The following SCUBE2 variants were observed in gnomAD, a reference collection of about 807,000 sequenced individuals.
SCUBE2 encodes the protein signal peptide, CUB and EGF-like domain-containing protein 2.
SCUBE2 carries 114 observed loss-of-function variants against 125.9 expected under a neutral mutation model. That is an observed-to-expected ratio of 0.91 (90% confidence interval 0.78 to 1.06). The LOEUF is 1.06. SCUBE2 is among the 50% of genes least tolerant of loss of function. The pLI is 0.00. For missense variants in SCUBE2, 1,255 were observed against 1,301.8 expected, an observed-to-expected ratio of 0.96 and a Z score of 0.55; for synonymous variants, 459 against 492.9, an observed-to-expected ratio of 0.93 and a Z score of 0.91.
intron 21 of SCUBE2, among the ~76,000 whole-genome samples, chr11:9,023,614 CAACTCATTAGA>C (rs1855490213): frequency 6.6e-6 from 1 of 152,178 alleles, no homozygotes; most frequent in Non-Finnish European, 1.5e-5. Context: ...TTACTTGCTC[CAACTCATTAGA>C]AACGCAGGAA....
chr11:9,054,720 TATA>T (rs1437725335), intron 10 of SCUBE2, among the ~76,000 whole-genome samples: 127 of 76,928 alleles, frequency 1.7e-3, no homozygotes, highest in African/African-American at 6.6e-3. Flanking sequence ...TATATATATA[TATA>T]TATTTTTTTT....
intron 16 of SCUBE2, among the ~76,000 whole-genome samples, chr11:9,042,395 C>T (rs966424195): frequency 6.6e-6 from 1 of 151,850 alleles, no homozygotes; most frequent in South Asian, 2.1e-4. Flanking sequence ...CTTTCTGTCC[C>T]TCCCTGCCTC....
intron 4 of SCUBE2, 102 bp from the exon 5 acceptor site, chr11:9,069,597 T>G: frequency 6.8e-7 from 1 of 1,465,040 alleles, no homozygotes; most frequent in Admixed American, 1.9e-5. Flanking sequence ...ATCTGTCTGC[T>G]TAGGTCTCCA....
rs181486738 is a variant in SCUBE2 at position 9,048,744 on chromosome 11, C to T, written c.1640-646G>A. On this transcript the variant is annotated intron_variant, in intron 14 of 22. Transcript: ENST00000649792. ...TCCTTCTTCCTGACTTGGCTGTCTCCCCTCTCACCATGGTTTCCAGTGAAT... is the reference window on the plus strand; with the variant it reads ...TCCTTCTTCCTGACTTGGCTGTCTCTCCTCTCACCATGGTTTCCAGTGAAT... Among the ~76,000 whole-genome samples the T allele has an allele frequency of 5.3e-5, 8 of 152,290 alleles. No homozygotes were observed. The East Asian group carries it at 7.7e-4, about 15-fold the overall frequency.
chr11:9,074,757 G>T, intron 3 of SCUBE2, 142 bp from the exon 4 acceptor site: 1 of 1,009,592 alleles, frequency 9.9e-7, no homozygotes, highest in East Asian at 2.4e-5. Context: ...ATCAAAGCCG[G>T]TAAGGTCCAC....
chr11:9,023,514 A>T (rs982219758), intron 21 of SCUBE2, among the ~76,000 whole-genome samples: 1 of 152,230 alleles, frequency 6.6e-6, no homozygotes, highest in Non-Finnish European at 1.5e-5. Context: ...ATAGAAAACT[A>T]GACAGCTGTT....
chr11:9,064,322 C>G (rs1279544438), intron 7 of SCUBE2, among the ~76,000 whole-genome samples: 1 of 151,978 alleles, frequency 6.6e-6, no homozygotes, highest in Non-Finnish European at 1.5e-5. Context: ...CAAATATTAG[C>G]CAGGCGCAGT....
intron 21 of SCUBE2, among the ~76,000 whole-genome samples, chr11:9,023,192 T>C (rs181308883): frequency 3.6e-4 from 55 of 152,340 alleles, no homozygotes; most frequent in Admixed American, 1.1e-3. Flanking sequence ...TGTATGCATA[T>C]CATGTGCGAC....
In SCUBE2 at chr11:9,034,288, G is replaced by A. The variant is rs750423334; in HGVS notation, c.2003-492C>T. 2.6e-5 allele frequency among the ~76,000 whole-genome samples: 4 copies of A among 152,256 alleles called. No individual in the cohort carries two copies. The South Asian group carries it at 6.2e-4, about 24-fold the overall frequency. Reference sequence around the variant, plus strand: ...GCCTTGAAGGATGAATAGGATCTTCGCAGTTGGGAAAGGGGGCAGGTTCTA... The same window carrying A: ...GCCTTGAAGGATGAATAGGATCTTCACAGTTGGGAAAGGGGGCAGGTTCTA... On this transcript the variant is annotated intron_variant, in intron 16 of 22. Transcript: ENST00000649792.
rs576609101 is a variant in SCUBE2 at position 9,089,017 on chromosome 11, C to T, written c.256+690G>A. On this transcript the variant is annotated intron_variant, in intron 2 of 22. Transcript: ENST00000649792. The stretch of plus-strand genomic sequence containing the variant: ...AGTCAGCTCCAATGTGTCATGATTT[C>T]CATCTCCAGGAACAGCCTCGAGTGT... Among the ~76,000 whole-genome samples the T allele has an allele frequency of 1.3e-3, 198 of 152,338 alleles. 1 individual carries two copies. Among genetic ancestry groups the T allele is most frequent in the African/African-American group, 4.6e-3 (191 of 41,570 alleles).
intron 14 of SCUBE2, among the ~76,000 whole-genome samples, chr11:9,048,630 T>G (rs966668437): frequency 3.3e-5 from 5 of 152,134 alleles, no homozygotes; most frequent in Non-Finnish European, 7.3e-5. Context: ...CCAGGAGCAA[T>G]AAATGGTACA....
At position 9,021,125 on chromosome 11, in the gene SCUBE2, C is replaced by T; in HGVS notation, c.3007G>A (p.Glu1003Lys). The change falls in exon 23 of 23, where the codon GAG (glutamate) becomes AAG (lysine). Residue 1003 changes from glutamate (E) to lysine (K), a missense_variant. This residue lies in a region of SCUBE2 where 515 missense variants were observed against 515.7 expected (regional missense o/e 1.00). Coordinates refer to ENST00000649792, the MANE Select transcript of SCUBE2 (RefSeq NM_001367977.2). ...GATCTTGGAAACATCTCTCGGGACT[C>T]CTGGGCTGTGTACTTGAAATAGTTC... Reference protein sequence around the residue: ...PQNYFKYTAQESREMFPRSFI... With the variant: ...PQNYFKYTAQKSREMFPRSFI... The T allele has an allele frequency of 6.2e-7, 1 of 1,613,668 alleles. No individual in the cohort carries two copies. The highest frequency in any genetic ancestry group is 8.5e-7 in the Non-Finnish European group (1 of 1,179,790).
At chr11:9,053,857 T>C in intron 10 of SCUBE2, 98 bp from the exon 11 acceptor site, 1 of 1,436,980 alleles carries the variant, frequency 7.0e-7, no homozygotes, top group Non-Finnish European at 9.5e-7. Context: ...GTCACAAGGT[T>C]GAAACTCACT....
chr11:9,023,681 C>CA (rs1250338035), intron 21 of SCUBE2, among the ~76,000 whole-genome samples: 1 of 152,222 alleles, frequency 6.6e-6, no homozygotes, highest in Non-Finnish European at 1.5e-5. Flanking sequence ...AGTCCTGGTT[C>CA]AAACCTTGCT....
chr11:9,076,299 C>T (rs1000617733), intron 3 of SCUBE2, among the ~76,000 whole-genome samples: 2 of 151,944 alleles, frequency 1.3e-5, no homozygotes, highest in Non-Finnish European at 2.9e-5. Context: ...AGGGAGGAAG[C>T]CTTCTGCCAC....
chr11:9,024,306 G>A (rs1855544623), intron 21 of SCUBE2: 1 of 1,180,962 alleles, frequency 8.5e-7, no homozygotes, highest in South Asian at 1.7e-5. Context: ...TTGGGTAGAT[G>A]AGGCTCTCTG....
At position 9,047,429 on chromosome 11, in the gene SCUBE2, T is replaced by G. The variant is rs760531933; in HGVS notation, c.1929A>C (p.Lys643Asn). ...QLSGMNLDVA[K>N]KPPRTSERQA... Reference sequence around the variant, plus strand: ...GGCGTTCAGATGTTCTGGGAGGCTTTTTAGCCACGTCGAGGTTCATGCCTG... The same window carrying G: ...GGCGTTCAGATGTTCTGGGAGGCTTGTTAGCCACGTCGAGGTTCATGCCTG... The change falls in exon 16 of 23, where the codon AAA becomes AAC. Residue 643 changes from lysine to asparagine, a missense_variant. Lys to Asn is a moderately conservative substitution (Grantham distance 94). Around this residue, in one of 3 missense-constraint regions of SCUBE2, gnomAD observed 515 missense variants for 515.7 expected, o/e 1.00. Coordinates refer to ENST00000649792, the MANE Select transcript of SCUBE2 (RefSeq NM_001367977.2). 1.2e-6 allele frequency: 2 copies of G among 1,614,134 alleles called. No individual in the cohort carries two copies. Among genetic ancestry groups the G allele is most frequent in the Non-Finnish European group, 1.7e-6 (2 of 1,180,020 alleles).
chr11:9,066,414 C>T (rs574379096), intron 6 of SCUBE2, among the ~76,000 whole-genome samples: 79 of 152,310 alleles, frequency 5.2e-4, no homozygotes, highest in African/African-American at 1.9e-3. Context: ...CTTCGTGCTG[C>T]CCTGGCCTCC....
chr11:9,043,819 C>CTTTTTTTTT (rs1857451067), intron 16 of SCUBE2, among the ~76,000 whole-genome samples: 1 of 136,026 alleles, frequency 7.4e-6, no homozygotes. Context: ...TTTTTTTTTG[C>CTTTTTTTTT]TTACCAGATT....
Sources: gnomAD v4.1 joint callset for allele counts (sites outside exome capture counted in the v4.1 genomes callset) on GRCh38, gnomAD v4.1.1 for gene constraint, gnomAD v4.1.1 regional missense constraint, MANE v1.5 for transcripts, NCBI Gene and HGNC (gene_info 2026-07-23, HGNC 2026-07-21) for gene names.